SV2C: variants seen among roughly 807,000 people sequenced by gnomAD.
SV2C encodes synaptic vesicle glycoprotein 2C, also known as solute carrier family 22 member B3.
SV2C carries 49 observed loss-of-function variants against 79.7 expected under a neutral mutation model. The observed-to-expected ratio is 0.61, with a 90% confidence interval of 0.49 to 0.78. The LOEUF (loss-of-function observed/expected upper bound fraction) is 0.78. Ranked by LOEUF, SV2C falls within the 30% of genes least tolerant of loss-of-function variation. SV2C has a pLI of 0.00. For synonymous variants in SV2C, 334 were observed against 333.2 expected (o/e 1.00, Z -0.03); for missense variants, 833 against 912.9 (o/e 0.91, Z 1.13).
intron 1 of SV2C, among the ~76,000 whole-genome samples, chr5:76,111,167 C>CT (rs1035171734): frequency 2.6e-5 from 4 of 151,974 alleles, no homozygotes; most frequent in African/African-American, 9.7e-5. Context: ...GGTGAGGAAC[C>CT]TTTTTTGGGG....
intron 4 of SV2C, among the ~76,000 whole-genome samples, chr5:76,249,049 A>G (rs1395748558): frequency 6.6e-6 from 1 of 152,226 alleles, no homozygotes; most frequent in Non-Finnish European, 1.5e-5. Context: ...CAGAGAAAAT[A>G]GCAATCAGTT....
chr5:75,933,727 CT>C, the SV2C span, among the ~76,000 whole-genome samples: 1 of 152,312 alleles, frequency 6.6e-6, no homozygotes, highest in South Asian at 2.1e-4. Context: ...TTCCTCCTCA[CT>C]TTCCTGTCTT....
intron 4 of SV2C, among the ~76,000 whole-genome samples, chr5:76,269,882 G>A (rs2112471013): frequency 6.6e-6 from 1 of 152,314 alleles, no homozygotes; most frequent in Admixed American, 6.5e-5. Context: ...GATTTTTCCA[G>A]CAGCATAGCC....
At chr5:76,094,733 A>G (rs1747492548) in intron 1 of SV2C, among the ~76,000 whole-genome samples, 1 of 152,070 alleles carries the variant, frequency 6.6e-6, no homozygotes, top group South Asian at 2.1e-4. Context: ...CACCTTCTGT[A>G]TATCTTCTCT....
intron 12 of SV2C, among the ~76,000 whole-genome samples, chr5:76,319,348 G>T (rs1390946794): frequency 2.6e-5 from 4 of 151,946 alleles, no homozygotes; most frequent in Non-Finnish European, 5.9e-5. Flanking sequence ...AGCCCAGGAA[G>T]TCGAGGCTGC....
intron 1 of SV2C, among the ~76,000 whole-genome samples, chr5:76,105,441 G>A (rs1747879496): frequency 6.6e-6 from 1 of 152,082 alleles, no homozygotes; most frequent in African/African-American, 2.4e-5. Flanking sequence ...TTAAACAAAG[G>A]AACCCAGGGG....
the SV2C span, among the ~76,000 whole-genome samples, chr5:75,965,119 C>T: frequency 1.3e-5 from 2 of 152,052 alleles, no homozygotes; most frequent in Non-Finnish European, 2.9e-5. Flanking sequence ...TTGACTTGCT[C>T]CTGCTTATGA....
At chr5:76,070,623 G>T in the SV2C span, among the ~76,000 whole-genome samples, 1 of 152,198 alleles carries the variant, frequency 6.6e-6, no homozygotes, top group Non-Finnish European at 1.5e-5. Context: ...GTATGTAGAA[G>T]GTGGCCATAA....
rs562468763 is a variant in SV2C at position 76,325,856 on chromosome 5, A to T, written c.*309A>T. 4.0e-6 allele frequency: 1 copy of T among 251,466 alleles called. No homozygotes were observed. The highest frequency in any genetic ancestry group is 1.0e-4 in the South Asian group (1 of 9,728). 15.6% of individuals were successfully genotyped at this position (251,466 alleles called of 1,614,324 possible). ...GCCAGGCTTCCCTGGGGTTCTGCTC[A>T]TTGAAAGTTTAGAAGCTAAGAAGAC... On this transcript the variant is annotated 3_prime_UTR_variant, in exon 13 of 13. Transcript: ENST00000502798.
the SV2C span, among the ~76,000 whole-genome samples, chr5:76,005,407 G>C: frequency 6.6e-6 from 1 of 152,162 alleles, no homozygotes; most frequent in African/African-American, 2.4e-5. Flanking sequence ...TACCCTCTAA[G>C]AGTTGAGGAA....
chr5:76,075,341 T>A, the SV2C span, among the ~76,000 whole-genome samples: 14,311 of 152,260 alleles, frequency 0.094, 2,245 homozygotes, highest in African/African-American at 0.33. Flanking sequence ...AGAATTGTGT[T>A]ACAAATCCAT....
chr5:76,352,523 CTT>C (rs1749661358), intron 12 of SV2C, among the ~76,000 whole-genome samples: 1 of 152,202 alleles, frequency 6.6e-6, no homozygotes, highest in Non-Finnish European at 1.5e-5. Flanking sequence ...CTTTCTCTCT[CTT>C]GGACTTTCTT....
At chr5:76,251,228 G>C (rs561987688) in intron 4 of SV2C, among the ~76,000 whole-genome samples, 2 of 152,054 alleles carry the variant, frequency 1.3e-5, no homozygotes, top group Non-Finnish European at 1.5e-5. Flanking sequence ...ATGCAATAGA[G>C]TCACCTGCAG....
the SV2C span, among the ~76,000 whole-genome samples, chr5:75,986,956 A>G: frequency 2.6e-5 from 4 of 151,898 alleles, no homozygotes; most frequent in African/African-American, 7.2e-5. Flanking sequence ...TGGGTTAGGC[A>G]TGTTTGCTGG....
rs781162705 is a variant in SV2C, at chr5:76,132,241, C to T, written c.491C>T (p.Ala164Val). The T allele has an allele frequency of 6.2e-7, 1 of 1,613,962 alleles. No homozygotes were observed. Among genetic ancestry groups the T allele is most frequent in the Non-Finnish European group, 8.5e-7 (1 of 1,180,016 alleles). Residue 164 changes from alanine to valine, a missense_variant, in exon 2 of 13, where the codon GCA (alanine) becomes GTA (valine). Coordinates refer to ENST00000502798, the MANE Select transcript of SV2C (RefSeq NM_014979.4). Reference protein sequence around the residue: ...LFFVLGMALMADGVEVFVVGF... With the variant: ...LFFVLGMALMVDGVEVFVVGF... ...TTCGTCCTGGGCATGGCTCTTATGG[C>T]AGACGGTGTAGAGGTGTTTGTCGTT...
intron 9 of SV2C, among the ~76,000 whole-genome samples, chr5:76,296,480 G>A (rs1747769556): frequency 6.6e-6 from 1 of 152,100 alleles, no homozygotes; most frequent in Non-Finnish European, 1.5e-5. Context: ...AAGACGGAAG[G>A]GTCTCCTTTA....
the SV2C span, among the ~76,000 whole-genome samples, chr5:75,898,372 A>G: frequency 6.6e-6 from 1 of 152,170 alleles, no homozygotes; most frequent in African/African-American, 2.4e-5. Flanking sequence ...GATTACATTT[A>G]TTGATTTGCT....
the SV2C span, among the ~76,000 whole-genome samples, chr5:75,936,681 T>G: frequency 6.6e-6 from 1 of 152,212 alleles, no homozygotes; most frequent in Non-Finnish European, 1.5e-5. Flanking sequence ...TAGCTGGTAT[T>G]GAGATATTCT....
At chr5:76,316,034 T>C (rs1317356496) in intron 12 of SV2C, among the ~76,000 whole-genome samples, 1 of 152,224 alleles carries the variant, frequency 6.6e-6, no homozygotes, top group African/African-American at 2.4e-5. Flanking sequence ...CATTAGCCAA[T>C]GGCATGGTTA....
Sources: gnomAD v4.1 joint callset for allele counts (sites outside exome capture counted in the v4.1 genomes callset) on GRCh38, gnomAD v4.1.1 for gene constraint, MANE v1.5 for transcripts, NCBI Gene and HGNC (gene_info 2026-07-23, HGNC 2026-07-21) for gene names.